The following NUB1 variants were observed in gnomAD, a reference collection of about 807,000 sequenced individuals.
The protein encoded by NUB1 is negative regulator of ubiquitin like proteins 1.
In NUB1, 41 loss-of-function variants were observed where a neutral mutation model predicts 77.1. The ratio of observed to expected loss-of-function variants is 0.53; its 90% CI spans 0.41 to 0.69. The LOEUF (loss-of-function observed/expected upper bound fraction) is 0.69, where lower values mean the gene tolerates loss of function less well. Among genes scored for constraint, NUB1 ranks in the 30% least tolerant of loss-of-function variants. The probability of loss-of-function intolerance (pLI) is 0.00; values close to 1 mark genes in which losing one functional copy is unlikely to be tolerated. For missense variants in NUB1, 643 were observed against 743.8 expected (o/e 0.86, Z 1.58); for synonymous variants, 257 against 281.0 (o/e 0.91, Z 0.85).
At chr7:151,354,933 C>T (rs747498571) in intron 5 of NUB1, among the ~76,000 whole-genome samples, 28 of 152,172 alleles carry the variant, frequency 1.8e-4, no homozygotes, top group Non-Finnish European at 2.9e-4. Flanking sequence ...TCTGTGGAGA[C>T]GGGGTCCACT....
At position 151,344,909 on chromosome 7, in the gene NUB1, G is replaced by A. The variant is rs142866039; in HGVS notation, c.-2-439G>A. 1.4e-3 allele frequency among the ~76,000 whole-genome samples: 217 copies of A among 152,134 alleles called. 1 individual carries two copies. Among genetic ancestry groups the A allele is most frequent in the African/African-American group, 4.6e-3 (193 of 41,516 alleles). ...CAGTGAGTAGGGAGGCTGATGCAGG[G>A]GAATTGCTTGAACCCAGGGGGCGGA... On this transcript the variant is annotated intron_variant, in intron 1 of 14. Transcript: ENST00000568733.
At chr7:151,359,331 T>TA (rs1192938378) in intron 7 of NUB1, among the ~76,000 whole-genome samples, 7 of 150,858 alleles carry the variant, frequency 4.6e-5, no homozygotes, top group Non-Finnish European at 8.8e-5. Context: ...TAGTCCCAGC[T>TA]ACTTGGGAGG....
At chr7:151,358,118 G>A (rs917445605) in intron 7 of NUB1, among the ~76,000 whole-genome samples, 14 of 151,864 alleles carry the variant, frequency 9.2e-5, no homozygotes, top group Middle Eastern at 3.4e-3. Flanking sequence ...TGGGACTACA[G>A]TGCACGCCAC....
intron 10 of NUB1, among the ~76,000 whole-genome samples, chr7:151,368,472 A>C (rs927623030): frequency 6.6e-6 from 1 of 152,218 alleles, no homozygotes; most frequent in Non-Finnish European, 1.5e-5. Context: ...CTTTTGTTGC[A>C]AAAACAAAGT....
At chr7:151,348,392 TC>T (rs1405278369) in intron 2 of NUB1, among the ~76,000 whole-genome samples, 1 of 152,040 alleles carries the variant, frequency 6.6e-6, no homozygotes, top group East Asian at 1.9e-4. Context: ...GGTTTTTTTT[TC>T]ATTTTCCCTT....
chr7:151,373,177 CGCT>C (rs1037438544), intron 11 of NUB1, among the ~76,000 whole-genome samples: 1 of 152,170 alleles, frequency 6.6e-6, no homozygotes, highest in African/African-American at 2.4e-5. Context: ...CCCCCGTCCT[CGCT>C]GCTGCTGATG....
chr7:151,374,082 G>A lies in NUB1; in HGVS notation c.1249-15G>A. On this transcript the variant is annotated splice_polypyrimidine_tract_variant and intron_variant, in intron 11 of 14. Transcript: ENST00000568733. ...AGTCCCTAACTTGGGATGGGACTTTGCTGTTTTCCTAAAGGAACTGGCCCA... is the reference window on the plus strand; with the variant it reads ...AGTCCCTAACTTGGGATGGGACTTTACTGTTTTCCTAAAGGAACTGGCCCA... 6.5e-7 allele frequency: 1 copy of A among 1,548,574 alleles called. No individual in the cohort carries two copies. Among genetic ancestry groups the A allele is most frequent in the Admixed American group, 2.0e-5 (1 of 50,272 alleles).
chr7:151,375,704 C>T (rs906437795), intron 12 of NUB1, 144 bp from the exon 13 acceptor site: 1 of 613,240 alleles, frequency 1.6e-6, no homozygotes, highest in South Asian at 1.8e-5. Context: ...CTTCTGTGAA[C>T]ACCAGCCTGA....
chr7:151,361,282 T>G (rs1797368948), intron 8 of NUB1: 1 of 152,262 alleles, frequency 6.6e-6, no homozygotes, highest in South Asian at 2.1e-4. Flanking sequence ...TCTTTTCATT[T>G]TCTTAAGTGT....
chr7:151,374,273 G>C (rs1401955380), intron 12 of NUB1, 30 bp downstream of exon 12: 1 of 1,550,154 alleles, frequency 6.5e-7, no homozygotes, highest in Non-Finnish European at 8.7e-7. Flanking sequence ...CTCTGGCCTT[G>C]TCCCTGAGCA....
chr7:151,348,569 C>CTTTTTTTTT lies in NUB1; in HGVS notation c.118-488_118-480dup, dbSNP rs59781719. Among the ~76,000 whole-genome samples, 264 of 69,940 alleles carry CTTTTTTTTT rather than the reference C, an allele frequency of 3.8e-3. 16 individuals carry two copies. Among genetic ancestry groups the CTTTTTTTTT allele is most frequent in the Non-Finnish European group, 4.1e-3 (164 of 40,338 alleles). 45.9% of individuals were successfully genotyped at this position (69,940 alleles called of 152,430 possible). ...AAATGTTTTTGTTTTTTGCTTTTTG[C>CTTTTTTTTT]TTTTTTTTTTTTTTTTTTTTTTTTG... On this transcript the variant is annotated intron_variant, in intron 2 of 14. Transcript: ENST00000568733.
chr7:151,351,511 G>A (rs1174385967), intron 4 of NUB1, 29 bp downstream of exon 4: 6 of 1,568,112 alleles, frequency 3.8e-6, no homozygotes, highest in Middle Eastern at 1.7e-4. Context: ...TGTGTCCTAG[G>A]TGCTCTGGGC....
chr7:151,359,671 G>T (rs1183389266), intron 7 of NUB1, among the ~76,000 whole-genome samples: 6 of 151,934 alleles, frequency 3.9e-5, no homozygotes, highest in Admixed American at 3.3e-4. Flanking sequence ...TAGCTGCTCG[G>T]CAGGCTGAGG....
At chr7:151,372,315 T>C (rs912188271) in intron 11 of NUB1, among the ~76,000 whole-genome samples, 2 of 152,256 alleles carry the variant, frequency 1.3e-5, no homozygotes, top group African/African-American at 4.8e-5. Flanking sequence ...CAGAAAATAA[T>C]GTTCTCACAT....
intron 8 of NUB1, among the ~76,000 whole-genome samples, chr7:151,364,593 C>T (rs1004580992): frequency 6.6e-6 from 1 of 152,006 alleles, no homozygotes; most frequent in African/African-American, 2.4e-5. Context: ...GGCACGATCT[C>T]GGCTCACTGC....
At chr7:151,345,930 T>C (rs1247993170) in intron 2 of NUB1, among the ~76,000 whole-genome samples, 1 of 152,232 alleles carries the variant, frequency 6.6e-6, no homozygotes, top group Non-Finnish European at 1.5e-5. Flanking sequence ...AACAGTTGTA[T>C]CTCAGTTTTT....
intron 5 of NUB1, 77 bp from the exon 6 acceptor site, chr7:151,355,691 A>G: frequency 1.5e-6 from 2 of 1,370,424 alleles, no homozygotes; most frequent in Non-Finnish European, 2.0e-6. Flanking sequence ...AAACAATTCC[A>G]TTTAACATAG....
chr7:151,357,183 ATTTTTT>A (rs59119243), intron 7 of NUB1, among the ~76,000 whole-genome samples: 2 of 134,420 alleles, frequency 1.5e-5, no homozygotes, highest in Admixed American at 7.4e-5. Context: ...TGTCCAGCTA[ATTTTTT>A]TTTTTTTTTT....
chr7:151,344,814 AC>A (rs999254367), intron 1 of NUB1, among the ~76,000 whole-genome samples: 4 of 152,064 alleles, frequency 2.6e-5, no homozygotes, highest in Admixed American at 2.0e-4. Flanking sequence ...AGCCTGGCCA[AC>A]ATGGCGAAAC....
Sources: gnomAD v4.1 joint callset for allele counts (sites outside exome capture counted in the v4.1 genomes callset) on GRCh38, gnomAD v4.1.1 for gene constraint, MANE v1.5 for transcripts, NCBI Gene and HGNC (gene_info 2026-07-23, HGNC 2026-07-21) for gene names.